Variants in LRRC7 observed in about 807,000 individuals in gnomAD.
LRRC7 encodes leucine rich repeat containing 7, also known as leucine-rich repeat-containing protein 7.
LRRC7 carries 23 observed loss-of-function variants against 175.7 expected under a neutral mutation model. That is an observed-to-expected ratio of 0.13 (90% CI 0.09 to 0.19). LRRC7 has a LOEUF of 0.19. Among genes scored for constraint, LRRC7 ranks in the 10% least tolerant of loss-of-function variants. The pLI, the probability that LRRC7 is intolerant of heterozygous loss-of-function variation, is 1.00. For synonymous variants in LRRC7, 685 were observed against 680.9 expected (o/e 1.01, Z -0.09); for missense variants, 1,354 against 1,904.7 (o/e 0.71, Z 5.38).
intron 1 of LRRC7, among the ~76,000 whole-genome samples, chr1:69,677,581 A>G (rs1354948633): frequency 2.6e-5 from 4 of 151,958 alleles, no homozygotes; most frequent in Admixed American, 2.6e-4. Context: ...CATCTATTGT[A>G]TTTTGACTTT....
At chr1:69,971,210 C>T (rs904036375) in intron 8 of LRRC7, among the ~76,000 whole-genome samples, 2 of 152,168 alleles carry the variant, frequency 1.3e-5, no homozygotes, top group African/African-American at 4.8e-5. Flanking sequence ...CCTCTGACAA[C>T]TGAAACAAGA....
chr1:69,762,390 C>T (rs1368917151), intron 3 of LRRC7, among the ~76,000 whole-genome samples: 3 of 151,992 alleles, frequency 2.0e-5, no homozygotes, highest in Non-Finnish European at 4.4e-5. Flanking sequence ...GAGGCAAGTG[C>T]TCGGTGATGT....
At chr1:69,643,405 C>A (rs1009671416) in intron 1 of LRRC7, among the ~76,000 whole-genome samples, 6 of 152,086 alleles carry the variant, frequency 3.9e-5, no homozygotes, top group Non-Finnish European at 7.4e-5. Flanking sequence ...TGTGTATCTG[C>A]AGAACCTGGC....
chr1:69,717,948 GAAAGAAAGAAGAAAAAGA>G (rs1665774175), intron 2 of LRRC7, among the ~76,000 whole-genome samples: 1 of 100,218 alleles, frequency 1.0e-5, no homozygotes, highest in South Asian at 3.4e-4. Flanking sequence ...AAGAAAGAAA[GAAAGAAAGAAGAAAAAGA>G]AAGAAAGAGA....
chr1:69,621,510 G>T (rs985292230), intron 1 of LRRC7, among the ~76,000 whole-genome samples: 10 of 152,128 alleles, frequency 6.6e-5, no homozygotes, highest in African/African-American at 2.2e-4. Context: ...TGACTCAGAT[G>T]CATATAGGAG....
chr1:69,778,764 C>T (rs1225503255), intron 3 of LRRC7, among the ~76,000 whole-genome samples: 1 of 151,996 alleles, frequency 6.6e-6, no homozygotes, highest in Non-Finnish European at 1.5e-5. Context: ...CCAGTTATAC[C>T]ATGAGCCATC....
intron 8 of LRRC7, among the ~76,000 whole-genome samples, chr1:69,977,525 C>A (rs1376520237): frequency 6.6e-6 from 1 of 152,150 alleles, no homozygotes; most frequent in Non-Finnish European, 1.5e-5. Context: ...TCTTCTCATT[C>A]TTTTTTTCAT....
intron 1 of LRRC7, among the ~76,000 whole-genome samples, chr1:69,655,818 T>C (rs1402414765): frequency 1.3e-5 from 2 of 152,092 alleles, no homozygotes; most frequent in Non-Finnish European, 1.5e-5. Context: ...ACATAGTTTG[T>C]ACCTAATGTT....
chr1:69,695,460 G>A (rs1272485592), intron 2 of LRRC7, among the ~76,000 whole-genome samples: 1 of 152,202 alleles, frequency 6.6e-6, no homozygotes, highest in Admixed American at 6.5e-5. Context: ...GCCTGGCCAT[G>A]TGATAGAGAA....
intron 1 of LRRC7, among the ~76,000 whole-genome samples, chr1:69,598,914 T>C (rs536305300): frequency 1.3e-5 from 2 of 152,352 alleles, no homozygotes; most frequent in South Asian, 2.1e-4. Context: ...TCTTTAAATA[T>C]CCACTTGTTT....
Position 70,082,781 on chromosome 1 carries a change from A to ATTTTTTTTTTTTTTTTTT in LRRC7, c.4452+6497_4452+6514dup. Among the ~76,000 whole-genome samples, 62 of 52,302 alleles carry ATTTTTTTTTTTTTTTTTT rather than the reference A, an allele frequency of 1.2e-3. 25 individuals are homozygous for ATTTTTTTTTTTTTTTTTT. Among genetic ancestry groups the ATTTTTTTTTTTTTTTTTT allele is most frequent in the Non-Finnish European group, 1.8e-3 (49 of 26,932 alleles). The allele number at this position is 52,302 out of a possible 152,430, so 34.3% of individuals were successfully genotyped here. The stretch of plus-strand genomic sequence containing the variant: ...TATTAGTCAATCTTGATACCAGTAC[A>ATTTTTTTTTTTTTTTTTT]TTTTTTTTTTTTTTTTTTTTTTTTT... On this transcript the variant is annotated intron_variant, in intron 24 of 26. Coordinates refer to ENST00000651989, the MANE Select transcript of LRRC7 (RefSeq NM_001370785.2).
intron 2 of LRRC7, among the ~76,000 whole-genome samples, chr1:69,679,075 T>A (rs1660157903): frequency 6.6e-6 from 1 of 152,142 alleles, no homozygotes; most frequent in Admixed American, 6.6e-5. Context: ...TACTAGAATA[T>A]GCCATTGGCT....
chr1:69,849,775 T>G (rs1682771625), intron 7 of LRRC7, among the ~76,000 whole-genome samples: 1 of 152,002 alleles, frequency 6.6e-6, no homozygotes, highest in Admixed American at 6.6e-5. Flanking sequence ...GACTCCCAAG[T>G]TTGTGCCTCT....
At chr1:69,930,583 C>T (rs972065198) in intron 7 of LRRC7, among the ~76,000 whole-genome samples, 5 of 152,154 alleles carry the variant, frequency 3.3e-5, no homozygotes, top group African/African-American at 9.7e-5. Context: ...ATGGAGTGCA[C>T]TTGGGTTCCC....
At chr1:70,024,430 A>G (rs951420382) in intron 17 of LRRC7, among the ~76,000 whole-genome samples, 7 of 151,820 alleles carry the variant, frequency 4.6e-5, no homozygotes, top group Non-Finnish European at 7.4e-5. Flanking sequence ...TGCAGCTGCT[A>G]TTTGCATTTA....
intron 4 of LRRC7, among the ~76,000 whole-genome samples, chr1:69,824,871 CATATCGCATA>C (rs1679722016): frequency 6.6e-6 from 1 of 152,134 alleles, no homozygotes; most frequent in South Asian, 2.1e-4. Flanking sequence ...GTACTGCAGG[CATATCGCATA>C]ATAACAGCTT....
intron 23 of LRRC7, among the ~76,000 whole-genome samples, chr1:70,067,887 T>C (rs565615347): frequency 6.6e-6 from 1 of 152,152 alleles, no homozygotes; most frequent in South Asian, 2.1e-4. Context: ...TACATGGTAT[T>C]GCATTTTAAA....
At chr1:70,075,393 C>T (rs775103207) in intron 23 of LRRC7, among the ~76,000 whole-genome samples, 9 of 152,188 alleles carry the variant, frequency 5.9e-5, no homozygotes, top group Non-Finnish European at 1.2e-4. Flanking sequence ...CATACCCTCT[C>T]TCCTCCACCT....
intron 23 of LRRC7, among the ~76,000 whole-genome samples, chr1:70,053,540 A>C (rs1660903568): frequency 6.6e-6 from 1 of 152,214 alleles, no homozygotes; most frequent in Non-Finnish European, 1.5e-5. Context: ...TTGATTCAGC[A>C]AACAGTGAAC....
Sources: gnomAD v4.1 joint callset for allele counts (sites outside exome capture counted in the v4.1 genomes callset) on GRCh38, gnomAD v4.1.1 for gene constraint, MANE v1.5 for transcripts, NCBI Gene and HGNC (gene_info 2026-07-23, HGNC 2026-07-21) for gene names.